The following MCCC2 variants were observed in gnomAD, a reference collection of about 807,000 sequenced individuals.
MCCC2 encodes the protein methylcrotonoyl-CoA carboxylase beta chain, mitochondrial.
MCCC2 carries 52 observed loss-of-function variants against 77.2 expected under a neutral mutation model. That is an observed-to-expected ratio of 0.67 (90% confidence interval 0.54 to 0.85). The LOEUF (loss-of-function observed/expected upper bound fraction) is 0.85, where lower values mean the gene tolerates loss of function less well. Ranked by LOEUF, MCCC2 falls within the 40% of genes least tolerant of loss-of-function variation. MCCC2 has a pLI of 0.00. For missense variants in MCCC2, 682 were observed against 703.2 expected, an observed-to-expected ratio of 0.97 and a Z score of 0.34; for synonymous variants, 253 against 248.4, an observed-to-expected ratio of 1.02 and a Z score of -0.18.
intron 7 of MCCC2, among the ~76,000 whole-genome samples, chr5:71,630,868 G>T (rs1746684119): frequency 6.6e-6 from 1 of 151,834 alleles, no homozygotes; most frequent in Non-Finnish European, 1.5e-5. Context: ...TCTAATAAAA[G>T]CTTTTCTTAT....
chr5:71,607,272 C>A (rs1426506148), intron 6 of MCCC2, among the ~76,000 whole-genome samples: 1 of 152,052 alleles, frequency 6.6e-6, no homozygotes, highest in East Asian at 1.9e-4. Context: ...TTGGTCTATT[C>A]AGAGATTCAA....
chr5:71,631,727 A>T (rs996920898), intron 7 of MCCC2, among the ~76,000 whole-genome samples: 1 of 151,584 alleles, frequency 6.6e-6, no homozygotes, highest in East Asian at 1.9e-4. Context: ...TTTTTAGTAG[A>T]GACGGGGTTT....
intron 2 of MCCC2, 76 bp from the exon 3 acceptor site, chr5:71,596,198 TGGATTA>T (rs1745180035): frequency 3.1e-5 from 36 of 1,179,398 alleles, no homozygotes; most frequent in South Asian, 4.9e-5. Context: ...TGCTATATTT[TGGATTA>T]AGTATTATGT....
At chr5:71,607,309 G>A (rs1200878954) in intron 6 of MCCC2, among the ~76,000 whole-genome samples, 2 of 152,202 alleles carry the variant, frequency 1.3e-5, no homozygotes, top group African/African-American at 4.8e-5. Context: ...TCTTGGGAGA[G>A]TTTGTGTGTC....
In MCCC2 at chr5:71,596,227, G is replaced by A; in HGVS notation, c.197-53G>A. The A allele has an allele frequency of 4.7e-6, 7 of 1,485,808 alleles. No individual in the cohort carries two copies. The South Asian group carries it at 7.9e-5, about 17-fold the overall frequency. The allele number at this position is 1,485,808 out of a possible 1,614,324, so 92.0% of individuals were successfully genotyped here. A position where few individuals can be genotyped will look rare whatever the true frequency, so the allele number is the denominator to read the frequency against. ...TTAAGTATTATGTTTTTCTGGCATTGAGACCTTTTTATCGTGTCAATCTAA... is the reference window on the plus strand; with the variant it reads ...TTAAGTATTATGTTTTTCTGGCATTAAGACCTTTTTATCGTGTCAATCTAA... On this transcript the variant is annotated intron_variant, in intron 2 of 16. Coordinates refer to ENST00000340941, the MANE Select transcript of MCCC2 (RefSeq NM_022132.5).
chr5:71,607,283 C>G (rs1745721194), intron 6 of MCCC2, among the ~76,000 whole-genome samples: 1 of 152,154 alleles, frequency 6.6e-6, no homozygotes, highest in African/African-American at 2.4e-5. Context: ...AGAGATTCAA[C>G]TTCTTCCTGG....
intron 5 of MCCC2, among the ~76,000 whole-genome samples, chr5:71,603,273 G>A (rs1240589673): frequency 5.9e-5 from 9 of 151,894 alleles, no homozygotes; most frequent in African/African-American, 2.2e-4. Flanking sequence ...AAAATTAGCC[G>A]AGCGTGGTGG....
chr5:71,656,629 CAGT>C (rs1561850706), intron 16 of MCCC2, 111 bp from the exon 17 acceptor site: 20 of 812,778 alleles, frequency 2.5e-5, no homozygotes, highest in Non-Finnish European at 4.4e-5. Context: ...GGATGCTAAT[CAGT>C]AGATCCATAT....
intron 6 of MCCC2, among the ~76,000 whole-genome samples, chr5:71,614,261 T>G (rs1307516229): frequency 6.6e-6 from 1 of 152,164 alleles, no homozygotes; most frequent in Non-Finnish European, 1.5e-5. Context: ...GTTTCTCCTC[T>G]TCTCAAAACC....
At chr5:71,614,047 C>CACACACACACACACAT (rs1746067559) in intron 6 of MCCC2, among the ~76,000 whole-genome samples, 1 of 151,514 alleles carries the variant, frequency 6.6e-6, no homozygotes, top group Non-Finnish European at 1.5e-5. Context: ...CACACACACA[C>CACACACACACACACAT]ACATATATCA....
intron 16 of MCCC2, 21 bp from the exon 17 acceptor site, chr5:71,656,722 C>CT: frequency 1.3e-6 from 2 of 1,589,280 alleles, no homozygotes; most frequent in Middle Eastern, 1.7e-4. Context: ...ATTCATAACT[C>CT]TTTTTTTGTT....
intron 1 of MCCC2, among the ~76,000 whole-genome samples, chr5:71,588,972 C>T (rs1744865398): frequency 6.6e-6 from 1 of 152,032 alleles, no homozygotes; most frequent in African/African-American, 2.4e-5. Context: ...GTGGCATGAT[C>T]CTATGGATAT....
chr5:71,590,467 A>C (rs529478412), intron 1 of MCCC2, among the ~76,000 whole-genome samples: 1 of 152,270 alleles, frequency 6.6e-6, no homozygotes, highest in African/African-American at 2.4e-5. Context: ...TATATTTGTG[A>C]ATTTTCCAGT....
chr5:71,633,659 C>T (rs188454492), intron 8 of MCCC2, among the ~76,000 whole-genome samples: 2 of 152,034 alleles, frequency 1.3e-5, no homozygotes, highest in East Asian at 3.9e-4. Context: ...GCTAATTTGA[C>T]ACAAAGACTT....
chr5:71,641,241 C>A, intron 11 of MCCC2, 166 bp downstream of exon 11: 2 of 663,956 alleles, frequency 3.0e-6, no homozygotes, highest in Non-Finnish European at 5.4e-6. Context: ...TAATTTGTAG[C>A]TTAATGGCTT....
intron 6 of MCCC2, among the ~76,000 whole-genome samples, chr5:71,624,201 T>C (rs1746458303): frequency 6.6e-6 from 1 of 152,102 alleles, no homozygotes; most frequent in Non-Finnish European, 1.5e-5. Context: ...CATGACTTCA[T>C]CCCACCAAAT....
chr5:71,605,938 C>G (rs1431684840), intron 6 of MCCC2, among the ~76,000 whole-genome samples: 1 of 152,156 alleles, frequency 6.6e-6, no homozygotes, highest in East Asian at 1.9e-4. Context: ...ATCTATATCT[C>G]TGTTTTGGTA....
intron 14 of MCCC2, among the ~76,000 whole-genome samples, chr5:71,649,559 G>A (rs1468641492): frequency 2.0e-5 from 3 of 152,282 alleles, no homozygotes; most frequent in Middle Eastern, 3.4e-3. Context: ...AGGCATATAC[G>A]GGAAAAGAAG....
intron 6 of MCCC2, among the ~76,000 whole-genome samples, chr5:71,609,388 G>A (rs277927): frequency 0.32 from 47,756 of 150,892 alleles, 8,311 homozygotes; most frequent in East Asian, 0.51. Flanking sequence ...CATTCTTCAC[G>A]TAGTTCTCGA....
Sources: allele counts gnomAD v4.1 joint callset (sites outside exome capture counted in the v4.1 genomes callset), GRCh38; gene constraint gnomAD v4.1.1; transcripts MANE v1.5; gene names NCBI Gene and HGNC (gene_info 2026-07-23, HGNC 2026-07-21).